GRM8: variants seen among roughly 807,000 people sequenced by gnomAD.
GRM8 encodes the protein metabotropic glutamate receptor 8.
GRM8 carries 47 observed loss-of-function variants against 87.2 expected under a neutral mutation model. The observed-to-expected ratio is 0.54, with a 90% CI of 0.43 to 0.69. The LOEUF is 0.69. Among genes scored for constraint, GRM8 ranks in the 30% least tolerant of loss-of-function variants. GRM8 has a pLI of 0.00. For synonymous variants in GRM8, 396 were observed against 404.5 expected (o/e 0.98, Z 0.25); for missense variants, 1,019 against 1,139.2 (o/e 0.89, Z 1.52).
At chr7:126,547,560 A>G (rs984797210) in intron 8 of GRM8, among the ~76,000 whole-genome samples, 4 of 152,006 alleles carry the variant, frequency 2.6e-5, no homozygotes, top group Non-Finnish European at 5.9e-5. Context: ...ACTCAATAGA[A>G]TAATTTGAAG....
intron 7 of GRM8, among the ~76,000 whole-genome samples, chr7:126,741,756 G>T (rs1006063588): frequency 6.6e-6 from 1 of 152,060 alleles, no homozygotes; most frequent in Non-Finnish European, 1.5e-5. Context: ...TTGTAAAATG[G>T]AAATAATAGG....
intron 7 of GRM8, among the ~76,000 whole-genome samples, chr7:126,611,704 T>C (rs1798928742): frequency 6.6e-6 from 1 of 152,170 alleles, no homozygotes; most frequent in African/African-American, 2.4e-5. Flanking sequence ...CAACAGCAGT[T>C]CCCAATCTTT....
intron 3 of GRM8, among the ~76,000 whole-genome samples, chr7:126,992,209 G>C (rs1459631965): frequency 6.6e-6 from 1 of 152,158 alleles, no homozygotes; most frequent in Non-Finnish European, 1.5e-5. Flanking sequence ...CAAGGTTGGG[G>C]ATGAGGCAAG....
chr7:126,530,699 G>A (rs1814671136), intron 9 of GRM8, among the ~76,000 whole-genome samples: 1 of 152,236 alleles, frequency 6.6e-6, no homozygotes, highest in Non-Finnish European at 1.5e-5. Flanking sequence ...GTCCTCCAAG[G>A]TCAATACAAC....
chr7:126,685,038 G>A lies in GRM8; in HGVS notation c.1358-75540C>T, dbSNP rs1383281978. Among the ~76,000 whole-genome samples, 1 of 152,154 alleles carries A rather than the reference G, an allele frequency of 6.6e-6. No individual in the cohort carries two copies. The highest frequency in any genetic ancestry group is 1.5e-5 in the Non-Finnish European group (1 of 68,010). ...TGCAGGGCAGCAGTGGTGGCCATGGGACCCCTGTGCCCTGCGTCCCCAAGG... is the reference window on the plus strand; with the variant it reads ...TGCAGGGCAGCAGTGGTGGCCATGGAACCCCTGTGCCCTGCGTCCCCAAGG... On this transcript the variant is annotated intron_variant, in intron 7 of 10. Transcript: ENST00000339582. This position sits in a 1 kb window ranked among gnomAD's most constrained non-coding sequence, Gnocchi z 4.2.
intron 2 of GRM8, among the ~76,000 whole-genome samples, chr7:127,190,930 C>T (rs1333436839): frequency 6.6e-6 from 1 of 152,038 alleles, no homozygotes; most frequent in African/African-American, 2.4e-5. Flanking sequence ...TGGTAAAACA[C>T]TTTTATGAGC....
chr7:126,476,689 A>G (rs989712737), intron 9 of GRM8, among the ~76,000 whole-genome samples: 2 of 152,194 alleles, frequency 1.3e-5, no homozygotes, highest in African/African-American at 4.8e-5. Flanking sequence ...CAAAACAACA[A>G]TGACACATTA....
chr7:127,103,390 T>C (rs1463948617), intron 3 of GRM8, among the ~76,000 whole-genome samples: 1 of 152,156 alleles, frequency 6.6e-6, no homozygotes, highest in Non-Finnish European at 1.5e-5. Context: ...ACAAAATCTG[T>C]TCATTTAAAA....
At chr7:127,145,586 AGCTAATTGTGT>A (rs1478972417) in intron 2 of GRM8, among the ~76,000 whole-genome samples, 1 of 152,154 alleles carries the variant, frequency 6.6e-6, no homozygotes, top group Non-Finnish European at 1.5e-5. Flanking sequence ...CACTAGGGGT[AGCTAATTGTGT>A]CAAATGGCAT....
chr7:126,504,365 G>A (rs1037738517), intron 9 of GRM8, among the ~76,000 whole-genome samples: 1 of 151,944 alleles, frequency 6.6e-6, no homozygotes, highest in Non-Finnish European at 1.5e-5. Flanking sequence ...GTTATTATAA[G>A]TCAAAATGTC....
chr7:127,179,506 GATAT>G (rs1271878418), intron 2 of GRM8, among the ~76,000 whole-genome samples: 1 of 152,086 alleles, frequency 6.6e-6, no homozygotes, highest in Non-Finnish European at 1.5e-5. Context: ...AGACCTAACA[GATAT>G]ATAGAGAACG....
intron 7 of GRM8, 146 bp from the exon 8 acceptor site, chr7:126,609,644 A>G (rs1373920626): frequency 1.6e-6 from 1 of 614,000 alleles, no homozygotes; most frequent in Non-Finnish European, 2.8e-6. Context: ...GTCATTCTTG[A>G]TAGCATAATA....
intron 8 of GRM8, among the ~76,000 whole-genome samples, chr7:126,542,750 A>C (rs1187842583): frequency 5.3e-5 from 8 of 152,206 alleles, no homozygotes; most frequent in African/African-American, 1.9e-4. Flanking sequence ...TTTTAGGCAA[A>C]TATATGACAT....
chr7:126,574,562 T>C (rs995702326), intron 8 of GRM8, among the ~76,000 whole-genome samples: 3 of 152,180 alleles, frequency 2.0e-5, no homozygotes, highest in Non-Finnish European at 4.4e-5. Flanking sequence ...TGAAGCTACA[T>C]CTTCAGGACT....
intron 3 of GRM8, among the ~76,000 whole-genome samples, chr7:127,040,446 A>G (rs4728062): frequency 0.25 from 38,747 of 152,098 alleles, 5,860 homozygotes; most frequent in Non-Finnish European, 0.35. Flanking sequence ...TTTCCTATTC[A>G]GTTACCGATG....
intron 1 of GRM8, among the ~76,000 whole-genome samples, chr7:127,248,155 G>A (rs1183817981): frequency 6.6e-6 from 1 of 152,168 alleles, no homozygotes; most frequent in East Asian, 1.9e-4. Context: ...TTAAAGTAAT[G>A]AGAAGCTACT....
intron 9 of GRM8, among the ~76,000 whole-genome samples, chr7:126,481,150 A>G (rs1806625919): frequency 1.3e-5 from 2 of 152,120 alleles, no homozygotes; most frequent in African/African-American, 4.8e-5. Context: ...ATTTGAATAA[A>G]TAAATTGAAG....
intron 6 of GRM8, among the ~76,000 whole-genome samples, chr7:126,868,404 G>A (rs553069584): frequency 2.0e-5 from 3 of 152,310 alleles, no homozygotes; most frequent in African/African-American, 7.2e-5. Context: ...ACTCTGTACT[G>A]TCCCTTAAGG....
At chr7:127,170,387 T>C (rs1174681365) in intron 2 of GRM8, among the ~76,000 whole-genome samples, 3 of 152,234 alleles carry the variant, frequency 2.0e-5, no homozygotes, top group Non-Finnish European at 2.9e-5. Context: ...TTTACACTGC[T>C]GGTGGAAATG....
Sources: allele counts gnomAD v4.1 joint callset (sites outside exome capture counted in the v4.1 genomes callset), GRCh38; gene constraint gnomAD v4.1.1; non-coding constraint Gnocchi (gnomAD v3.1); transcripts MANE v1.5; gene names NCBI Gene and HGNC (gene_info 2026-07-23, HGNC 2026-07-21).